Variants in CDH18 observed in about 807,000 individuals in gnomAD.
CDH18 encodes the protein cadherin-18.
CDH18 carries 31 observed loss-of-function variants against 67.9 expected under a neutral mutation model. The observed-to-expected ratio is 0.46, with a 90% confidence interval of 0.34 to 0.62. CDH18 has a LOEUF of 0.62. Among genes scored for constraint, CDH18 ranks in the 20% least tolerant of loss-of-function variants. CDH18 has a pLI of 0.01. For missense variants in CDH18, 890 were observed against 975.5 expected (o/e 0.91, Z 1.17); for synonymous variants, 362 against 347.2 (o/e 1.04, Z -0.48).
At chr5:20,072,613 C>A (rs949315307) in intron 2 of CDH18, among the ~76,000 whole-genome samples, 1 of 151,854 alleles carries the variant, frequency 6.6e-6, no homozygotes, top group Non-Finnish European at 1.5e-5. Flanking sequence ...ATATCCCCTG[C>A]AAGTTCTATC....
At chr5:20,201,392 T>TA (rs1308928935) in intron 2 of CDH18, among the ~76,000 whole-genome samples, 3 of 152,168 alleles carry the variant, frequency 2.0e-5, no homozygotes, top group African/African-American at 7.2e-5. Context: ...GTTAGGACTT[T>TA]AAGGTAACTT....
intron 2 of CDH18, among the ~76,000 whole-genome samples, chr5:19,974,064 T>A (rs1677627188): frequency 6.6e-6 from 1 of 152,096 alleles, no homozygotes; most frequent in Admixed American, 6.6e-5. Flanking sequence ...GTAGCAAAGA[T>A]ACACATAGTG....
chr5:20,087,109 G>A lies in CDH18; in HGVS notation c.-517-95095C>T, dbSNP rs565162722. Reference sequence around the variant, plus strand: ...TTGTTTAAAAGAAATTGATTCCAATGCTCATGGATGACTTTTACACCAGTG... The same window carrying A: ...TTGTTTAAAAGAAATTGATTCCAATACTCATGGATGACTTTTACACCAGTG... On this transcript the variant is annotated intron_variant, in intron 2 of 14. Coordinates refer to the CDH18 transcript ENST00000507958. Among the ~76,000 whole-genome samples the A allele has an allele frequency of 7.2e-5, 11 of 152,210 alleles. No individual in the cohort carries two copies. The East Asian group carries it at 2.1e-3, about 29-fold the overall frequency.
Position 19,969,233 on chromosome 5 carries a change from T to C in CDH18, c.-257+11827A>G, listed in dbSNP as rs1277740087. Reference sequence around the variant, plus strand: ...GGATGTGGAGAAATAGGAACACTTTTACACTGTTGGTGGGACTGTAAACGA... The same window carrying C: ...GGATGTGGAGAAATAGGAACACTTTCACACTGTTGGTGGGACTGTAAACGA... On this transcript the variant is annotated intron_variant, in intron 2 of 12. Transcript: ENST00000382275. Among the ~76,000 whole-genome samples, 6 of 145,378 alleles carry C rather than the reference T, an allele frequency of 4.1e-5. 1 individual carries two copies. The highest frequency in any genetic ancestry group is 1.7e-4 in the African/African-American group (6 of 35,926).
intron 2 of CDH18, among the ~76,000 whole-genome samples, chr5:19,967,241 A>G (rs1160070110): frequency 2.6e-5 from 4 of 152,222 alleles, no homozygotes; most frequent in African/African-American, 9.6e-5. Context: ...ATTAATTACA[A>G]AAATGAAAAA....
chr5:19,512,983 T>C (rs1466319923), intron 10 of CDH18, among the ~76,000 whole-genome samples: 1 of 152,078 alleles, frequency 6.6e-6, no homozygotes, highest in African/African-American at 2.4e-5. Context: ...TCATGATTTT[T>C]CTTAAATTTT....
At chr5:20,077,168 C>T (rs1183654111) in intron 2 of CDH18, among the ~76,000 whole-genome samples, 3 of 152,164 alleles carry the variant, frequency 2.0e-5, no homozygotes, top group African/African-American at 7.2e-5. Flanking sequence ...CTGTTTCAAA[C>T]TGCATCCCTG....
At chr5:19,539,170 T>C (rs1358010323) in intron 9 of CDH18, among the ~76,000 whole-genome samples, 1 of 152,208 alleles carries the variant, frequency 6.6e-6, no homozygotes, top group Non-Finnish European at 1.5e-5. Flanking sequence ...CACCTGTTTA[T>C]GATTAGAATT....
chr5:19,505,414 T>C (rs1743958892), intron 10 of CDH18, among the ~76,000 whole-genome samples: 1 of 152,168 alleles, frequency 6.6e-6, no homozygotes, highest in Admixed American at 6.6e-5. Flanking sequence ...AAGGGAATGC[T>C]TCCAGTTTTT....
chr5:20,134,509 A>G lies in CDH18; in HGVS notation c.-518+120935T>C, dbSNP rs1200314038. On this transcript the variant is annotated intron_variant, in intron 2 of 14. Transcript: ENST00000507958. ...TTTAGTTTTTCTGCTTTTAGTACCT[A>G]TCGGTTGTAACATCTTTTATATTTT... is the stretch of plus-strand genomic sequence containing the variant. Among the ~76,000 whole-genome samples, 6 of 152,176 alleles carry G rather than the reference A, an allele frequency of 3.9e-5. No individual in the cohort carries two copies. In the East Asian group the frequency reaches 9.7e-4, roughly 25 times the overall value.
At chr5:20,431,928 C>A (rs1223409817) in intron 1 of CDH18, among the ~76,000 whole-genome samples, 1 of 152,054 alleles carries the variant, frequency 6.6e-6, no homozygotes, top group Non-Finnish European at 1.5e-5. Flanking sequence ...TACAAACTGC[C>A]CCGTGACTTT....
At chr5:20,004,279 T>G (rs1580005462) in intron 2 of CDH18, among the ~76,000 whole-genome samples, 1 of 152,214 alleles carries the variant, frequency 6.6e-6, no homozygotes, top group Non-Finnish European at 1.5e-5. Flanking sequence ...CCTCCTGTTT[T>G]CTGCACAGCA....
chr5:20,188,414 C>T (rs925821148), intron 2 of CDH18, among the ~76,000 whole-genome samples: 15 of 152,072 alleles, frequency 9.9e-5, no homozygotes, highest in African/African-American at 3.1e-4. Flanking sequence ...CTACATTTAT[C>T]CATACCCACA....
At chr5:20,389,784 A>G (rs2150113093) in intron 1 of CDH18, among the ~76,000 whole-genome samples, 1 of 152,310 alleles carries the variant, frequency 6.6e-6, no homozygotes, top group East Asian at 1.9e-4. Flanking sequence ...TGGTACCAAA[A>G]CAGAGATATA....
intron 1 of CDH18, among the ~76,000 whole-genome samples, chr5:20,437,324 A>C (rs1749246881): frequency 6.6e-6 from 1 of 151,360 alleles, no homozygotes; most frequent in Admixed American, 6.6e-5. Context: ...TTGATAGAAT[A>C]AAATAGACTC....
At position 19,741,282 on chromosome 5, in the gene CDH18, T is replaced by C. The variant is rs146337610; in HGVS notation, c.523+5660A>G. On this transcript the variant is annotated intron_variant, in intron 4 of 12. Coordinates refer to ENST00000382275, the MANE Select transcript of CDH18 (RefSeq NM_004934.5). ...GTATACATATATACATATATACGTG[T>C]ATATATACATACATATATGTACATA... is the stretch of plus-strand genomic sequence containing the variant. Among the ~76,000 whole-genome samples, 810 of 139,144 alleles carry C rather than the reference T, an allele frequency of 5.8e-3. 2 individuals are homozygous for C. Among genetic ancestry groups the C allele is most frequent in the African/African-American group, 0.02 (781 of 39,598 alleles). 91.3% of individuals were successfully genotyped at this position (139,144 alleles called of 152,430 possible). A position where few individuals can be genotyped will look rare whatever the true frequency, so the allele number is the denominator to read the frequency against.
At chr5:19,500,851 C>G (rs2126743798) in intron 11 of CDH18, among the ~76,000 whole-genome samples, 1 of 152,186 alleles carries the variant, frequency 6.6e-6, no homozygotes, top group African/African-American at 2.4e-5. Flanking sequence ...TAATTAGCGG[C>G]CAGTCACGGT....
chr5:20,022,000 C>T (rs116399151), intron 2 of CDH18, among the ~76,000 whole-genome samples: 1,576 of 152,244 alleles, frequency 0.01, 18 homozygotes, highest in African/African-American at 0.034. Flanking sequence ...AAAACTACAA[C>T]GCAATTGACT....
chr5:19,647,555 A>AAAAAAAAAAAAAAAC, intron 5 of CDH18, among the ~76,000 whole-genome samples: 1 of 147,170 alleles, frequency 6.8e-6, no homozygotes, highest in Non-Finnish European at 1.5e-5. Context: ...AAAAAAAAAA[A>AAAAAAAAAAAAAAAC]AAAAGATGCC....
Sources: allele counts gnomAD v4.1 joint callset (sites outside exome capture counted in the v4.1 genomes callset), GRCh38; gene constraint gnomAD v4.1.1; transcripts MANE v1.5; gene names NCBI Gene and HGNC (gene_info 2026-07-23, HGNC 2026-07-21).